The following LPP variants were observed in gnomAD, a reference collection of about 807,000 sequenced individuals.
The protein encoded by LPP is lipoma-preferred partner.
Under a neutral mutation model 60.4 loss-of-function variants are expected in LPP, and 38 were observed. That is an observed-to-expected ratio of 0.63 (90% CI 0.49 to 0.83). The LOEUF (loss-of-function observed/expected upper bound fraction) is 0.83, where lower values mean the gene tolerates loss of function less well. Among genes scored for constraint, LPP ranks in the 40% least tolerant of loss-of-function variants. LPP has a pLI of 0.00. For missense variants in LPP, 902 were observed against 783.6 expected (o/e 1.15, Z -1.80); for synonymous variants, 328 against 290.8 (o/e 1.13, Z -1.30).
chr3:188,744,534 A>G (rs1441580447), intron 8 of LPP, among the ~76,000 whole-genome samples: 1 of 152,202 alleles, frequency 6.6e-6, no homozygotes, highest in African/African-American at 2.4e-5. Context: ...TCATTGTGCT[A>G]TCTTGGACAA....
intron 2 of LPP, among the ~76,000 whole-genome samples, chr3:188,288,376 A>C (rs967854730): frequency 2.6e-5 from 4 of 152,164 alleles, no homozygotes; most frequent in African/African-American, 9.7e-5. Flanking sequence ...TTGTTGCTCA[A>C]ACCTCACACC....
At chr3:188,599,121 T>A (rs1164881579) in intron 6 of LPP, among the ~76,000 whole-genome samples, 1 of 152,084 alleles carries the variant, frequency 6.6e-6, no homozygotes, top group African/African-American at 2.4e-5. Context: ...AAGAACTGAG[T>A]GTACTGTATG....
intron 2 of LPP, among the ~76,000 whole-genome samples, chr3:188,260,728 A>G (rs964375345): frequency 6.6e-6 from 1 of 152,016 alleles, no homozygotes; most frequent in Admixed American, 6.6e-5. Context: ...GAGGAACCGA[A>G]GTTTAAAAAG....
In LPP at chr3:188,763,298, C is replaced by G. The variant is rs1577402370; in HGVS notation, c.1410+3016C>G. On this transcript the variant is annotated intron_variant, in intron 9 of 11. Coordinates refer to ENST00000617246, the MANE Select transcript of LPP (RefSeq NM_001375462.1). ...GGAATGAGAATATTCAAGATAGTGGCTTAATTATTTTTGTATAAGGACCAG... is the reference window on the plus strand; with the variant it reads ...GGAATGAGAATATTCAAGATAGTGGGTTAATTATTTTTGTATAAGGACCAG... 1.3e-5 allele frequency among the ~76,000 whole-genome samples: 2 copies of G among 149,906 alleles called. 1 individual carries two copies. The highest frequency in any genetic ancestry group is 4.2e-4 in the South Asian group (2 of 4,756).
At chr3:188,280,465 C>T (rs147670677) in intron 2 of LPP, among the ~76,000 whole-genome samples, 2,174 of 152,212 alleles carry the variant, frequency 0.014, 22 homozygotes, top group Non-Finnish European at 0.021. Context: ...TGATGGGGAA[C>T]GGCTACCAGT....
chr3:188,803,140 G>A (rs1278099722), intron 9 of LPP, among the ~76,000 whole-genome samples: 1 of 149,852 alleles, frequency 6.7e-6, no homozygotes, highest in Non-Finnish European at 1.5e-5. Context: ...CGCCTCCAGG[G>A]TTCAAGCAAA....
chr3:188,343,294 C>G (rs1039003408), intron 3 of LPP, among the ~76,000 whole-genome samples: 14 of 152,080 alleles, frequency 9.2e-5, no homozygotes, highest in African/African-American at 2.9e-4. Flanking sequence ...CAAACTAACA[C>G]AGAAAAAGAG....
chr3:188,602,069 AATAT>A lies in LPP; in HGVS notation c.430-7074_430-7071del, dbSNP rs10534152. 1.0e-3 allele frequency among the ~76,000 whole-genome samples: 129 copies of A among 128,630 alleles called. 1 individual carries two copies. Among genetic ancestry groups the A allele is most frequent in the Admixed American group, 5.0e-3 (60 of 12,058 alleles). 84.4% of individuals were successfully genotyped at this position (128,630 alleles called of 152,430 possible). A position where few individuals can be genotyped will look rare whatever the true frequency, so the allele number is the denominator to read the frequency against. On this transcript the variant is annotated intron_variant, in intron 6 of 11. Transcript: ENST00000617246. Reference sequence around the variant, plus strand: ...GGTGACAGAGCAAGACTCTATCTCAAATATATATATATATATATATACACACACA... The same window carrying A: ...GGTGACAGAGCAAGACTCTATCTCAAATATATATATATATATACACACACA...
chr3:188,493,677 A>G (rs1310975867), intron 5 of LPP, among the ~76,000 whole-genome samples: 1 of 152,036 alleles, frequency 6.6e-6, no homozygotes, highest in African/African-American at 2.4e-5. Context: ...TCCTGGCCTC[A>G]AGCAGTTCTC....
intron 6 of LPP, among the ~76,000 whole-genome samples, chr3:188,602,543 A>C (rs1255895154): frequency 1.3e-5 from 2 of 152,004 alleles, no homozygotes; most frequent in Non-Finnish European, 2.9e-5. Flanking sequence ...ATGAATCCCT[A>C]ATAATGAGAC....
At chr3:188,449,365 G>A (rs1043360798) in intron 4 of LPP, among the ~76,000 whole-genome samples, 2 of 151,998 alleles carry the variant, frequency 1.3e-5, no homozygotes, top group African/African-American at 2.4e-5. Flanking sequence ...AGCCTAACGG[G>A]CTTGGAATAG....
chr3:188,746,337 G>A (rs1577318618), intron 8 of LPP: 1 of 415,612 alleles, frequency 2.4e-6, no homozygotes, highest in East Asian at 6.2e-5. Flanking sequence ...ACCTCAACAT[G>A]TTGTAACAGG....
Position 188,371,230 on chromosome 3 carries a change from C to T in LPP, c.-10+29511C>T, listed in dbSNP as rs187826881. The stretch of plus-strand genomic sequence containing the variant: ...CCTATCATGAATAGCCTGTCCAATC[C>T]CCATTAAATGACCCACTATGGGGGT... On this transcript the variant is annotated intron_variant, in intron 3 of 11. Coordinates refer to ENST00000617246, the MANE Select transcript of LPP (RefSeq NM_001375462.1). Among the ~76,000 whole-genome samples the T allele has an allele frequency of 3.6e-3, 540 of 152,074 alleles. 1 individual carries two copies. The highest frequency in any genetic ancestry group is 0.021 in the Middle Eastern group (6 of 292).
At chr3:188,332,231 C>G (rs1173488639) in intron 2 of LPP, among the ~76,000 whole-genome samples, 1 of 152,080 alleles carries the variant, frequency 6.6e-6, no homozygotes, top group Non-Finnish European at 1.5e-5. Context: ...CAGCTGCTGC[C>G]TACATTTCTG....
intron 6 of LPP, among the ~76,000 whole-genome samples, chr3:188,574,312 G>T (rs944065703): frequency 6.6e-6 from 1 of 152,186 alleles, no homozygotes; most frequent in African/African-American, 2.4e-5. Context: ...TTGGATAGAT[G>T]TGACTGAAAT....
intron 6 of LPP, among the ~76,000 whole-genome samples, chr3:188,551,506 T>C (rs2150525693): frequency 6.6e-6 from 1 of 152,366 alleles, no homozygotes; most frequent in Non-Finnish European, 1.5e-5. Context: ...TTTTGGATTC[T>C]TATCCAACTA....
intron 3 of LPP, among the ~76,000 whole-genome samples, chr3:188,404,523 C>T (rs533505899): frequency 2.9e-4 from 44 of 152,124 alleles, no homozygotes; most frequent in African/African-American, 8.7e-4. Flanking sequence ...GGATTAGAGG[C>T]GTGAGCCATT....
chr3:188,651,224 G>A (rs962905107), intron 7 of LPP, among the ~76,000 whole-genome samples: 14 of 152,258 alleles, frequency 9.2e-5, no homozygotes, highest in African/African-American at 2.9e-4. Context: ...CATATATAAC[G>A]CAGTCTGCCT....
chr3:188,556,884 C>G (rs1468234145), intron 6 of LPP, among the ~76,000 whole-genome samples: 1 of 151,940 alleles, frequency 6.6e-6, no homozygotes, highest in Non-Finnish European at 1.5e-5. Context: ...CTGGAATTAC[C>G]TATAAATAAA....
Sources: allele counts gnomAD v4.1 joint callset (sites outside exome capture counted in the v4.1 genomes callset), GRCh38; gene constraint gnomAD v4.1.1; transcripts MANE v1.5; gene names NCBI Gene and HGNC (gene_info 2026-07-23, HGNC 2026-07-21).